The following TTBK2 variants were observed in gnomAD, a reference collection of about 807,000 sequenced individuals.
TTBK2 encodes the protein tau-tubulin kinase 2.
Under a neutral mutation model 110.8 loss-of-function variants are expected in TTBK2, and 28 were observed. The observed-to-expected ratio is 0.25, with a 90% CI of 0.19 to 0.35. The LOEUF (loss-of-function observed/expected upper bound fraction) is 0.35, where lower values mean the gene tolerates loss of function less well. TTBK2 is among the 10% of genes least tolerant of loss of function. The probability of loss-of-function intolerance (pLI) is 1.00; values close to 1 mark genes in which losing one functional copy is unlikely to be tolerated. For missense variants in TTBK2, 1,369 were observed against 1,500.3 expected, an observed-to-expected ratio of 0.91 and a Z score of 1.45; for synonymous variants, 532 against 527.3, an observed-to-expected ratio of 1.01 and a Z score of -0.12.
intron 13 of TTBK2, among the ~76,000 whole-genome samples, chr15:42,763,161 T>TAC (rs1567008825): frequency 2.0e-4 from 2 of 10,122 alleles, no homozygotes; most frequent in African/African-American, 9.2e-4. Flanking sequence ...TATATACATA[T>TAC]ATATATATAT....
Position 42,872,727 on chromosome 15 carries a change from T to G in TTBK2, c.101A>C (p.Glu34Ala). 6.2e-7 allele frequency: 1 copy of G among 1,613,976 alleles called. No individual in the cohort carries two copies. The highest frequency in any genetic ancestry group is 8.5e-7 in the Non-Finnish European group (1 of 1,179,986). ...LRKIGGGGFG[E>A]IYDALDMLTR... ...GAGCATGTCCAAGGCATCGTAAATT[T>G]CTCCAAAGCCCCCACCCCCAATCTT... Residue 34 changes from glutamate (E) to alanine (A), a missense_variant, in exon 3 of 15, where the codon GAA becomes GCA. Around this residue, in one of 4 missense-constraint regions of TTBK2, gnomAD observed 122 missense variants for 159.7 expected, o/e 0.76. Coordinates refer to ENST00000267890, the MANE Select transcript of TTBK2 (RefSeq NM_173500.4).
intron 9 of TTBK2, among the ~76,000 whole-genome samples, chr15:42,807,594 G>T (rs954272910): frequency 6.0e-5 from 9 of 151,230 alleles, no homozygotes; most frequent in South Asian, 2.1e-4. Context: ...GTTGTTTTTT[G>T]TTGTTGTTGT....
intron 1 of TTBK2, among the ~76,000 whole-genome samples, chr15:42,883,532 T>C (rs1203452973): frequency 1.3e-5 from 2 of 151,806 alleles, no homozygotes; most frequent in African/African-American, 4.8e-5. Flanking sequence ...TCTAAGTAGA[T>C]GGTAAAAAGT....
chr15:42,782,504 T>C (rs1038599160), intron 11 of TTBK2, among the ~76,000 whole-genome samples: 2 of 152,260 alleles, frequency 1.3e-5, no homozygotes, highest in Non-Finnish European at 2.9e-5. Context: ...TTGTATTATA[T>C]TTGCTTGTGC....
At position 42,739,304 on chromosome 15, in the gene TTBK2, A is replaced by G. The variant is rs2061736457; in HGVS notation, c.*6491T>C. 1 of 152,222 alleles carries G rather than the reference A, an allele frequency of 6.6e-6. No individual in the cohort carries two copies. The highest frequency in any genetic ancestry group is 1.5e-5 in the Non-Finnish European group (1 of 68,036). 9.4% of individuals were successfully genotyped at this position (152,222 alleles called of 1,614,324 possible). On this transcript the variant is annotated 3_prime_UTR_variant, in exon 15 of 15. Transcript: ENST00000267890. ...GGAGAAGAGAGGGAGAGAAAAGTGG[A>G]ATTATTAAAGTCATCTAACTCATTG...
intron 1 of TTBK2, 108 bp downstream of exon 1, chr15:42,920,330 C>T (rs1032287349): frequency 4.6e-5 from 7 of 152,270 alleles, no homozygotes; most frequent in African/African-American, 1.7e-4. Flanking sequence ...GTCCCCGGTA[C>T]CCCTCCCCTC....
chr15:42,778,819 A>C (rs960119556), intron 11 of TTBK2, among the ~76,000 whole-genome samples: 1 of 152,200 alleles, frequency 6.6e-6, no homozygotes, highest in African/African-American at 2.4e-5. Flanking sequence ...AAGAATGAAG[A>C]GGTAGTAACA....
intron 13 of TTBK2, among the ~76,000 whole-genome samples, chr15:42,766,446 C>CAAAAGAAAAAAA (rs1889377923): frequency 3.2e-5 from 1 of 30,860 alleles, no homozygotes; most frequent in African/African-American, 3.2e-4. Flanking sequence ...GAATGGAAAG[C>CAAAAGAAAAAAA]AAAAAAAAAA....
intron 6 of TTBK2, among the ~76,000 whole-genome samples, chr15:42,827,158 T>C (rs1224186209): frequency 6.6e-6 from 1 of 152,190 alleles, no homozygotes; most frequent in Admixed American, 6.5e-5. Flanking sequence ...AGTGTAATTG[T>C]GGTCATACCC....
At chr15:42,870,931 T>C (rs971246827) in intron 3 of TTBK2, among the ~76,000 whole-genome samples, 1 of 151,732 alleles carries the variant, frequency 6.6e-6, no homozygotes, top group Non-Finnish European at 1.5e-5. Context: ...ACAAATCCTA[T>C]AAAGGGTTAG....
intron 2 of TTBK2, among the ~76,000 whole-genome samples, chr15:42,873,699 G>C (rs903200484): frequency 6.6e-6 from 1 of 152,216 alleles, no homozygotes; most frequent in Non-Finnish European, 1.5e-5. Context: ...AGTATCATAA[G>C]CAAGTTCTGA....
Position 42,752,934 on chromosome 15 carries a change from T to C in TTBK2, c.2312A>G (p.Glu771Gly). The change falls in exon 14 of 15, where the codon GAA (glutamate) becomes GGA (glycine). Residue 771 changes from glutamate (E) to glycine (G), a missense_variant. Glu to Gly is a moderately conservative substitution (Grantham distance 98, BLOSUM62 -2). Transcript: ENST00000267890. ...CTCTTCAGTTTCCCCAGGGAGATTTTCAAATTCTCTCACAACCAGTCTATT... is the reference window on the plus strand; with the variant it reads ...CTCTTCAGTTTCCCCAGGGAGATTTCCAAATTCTCTCACAACCAGTCTATT... ...DHNRLVVREF[E>G]NLPGETEEKS... is the part of the protein sequence containing the mutation. 1 of 1,614,228 alleles carries C rather than the reference T, an allele frequency of 6.2e-7. No individual in the cohort carries two copies. The highest frequency in any genetic ancestry group is 8.5e-7 in the Non-Finnish European group (1 of 1,180,036).
chr15:42,778,387 C>T lies in TTBK2; in HGVS notation c.1198-1145G>A, dbSNP rs527725533. ...TAGAATAAAAAACAGCAAGATAGGC[C>T]GGGCGTGGTGGCTCACATCTGTAAC... On this transcript the variant is annotated intron_variant, in intron 11 of 14. Coordinates refer to ENST00000267890, the MANE Select transcript of TTBK2 (RefSeq NM_173500.4). 1.5e-4 allele frequency among the ~76,000 whole-genome samples: 23 copies of T among 152,008 alleles called. No individual in the cohort carries two copies. The South Asian group carries it at 3.9e-3, about 26-fold the overall frequency.
chr15:42,829,533 G>A (rs994559025), intron 5 of TTBK2, among the ~76,000 whole-genome samples: 1 of 152,192 alleles, frequency 6.6e-6, no homozygotes, highest in Non-Finnish European at 1.5e-5. Context: ...CAAACATAAA[G>A]CTTTTTAAGA....
intron 4 of TTBK2, among the ~76,000 whole-genome samples, chr15:42,831,271 T>C (rs1213602231): frequency 6.6e-6 from 1 of 152,114 alleles, no homozygotes; most frequent in East Asian, 1.9e-4. Flanking sequence ...GGAGTCTCGC[T>C]ATGTTGATCA....
chr15:42,890,010 C>G (rs1024933607), intron 1 of TTBK2, among the ~76,000 whole-genome samples: 1 of 152,136 alleles, frequency 6.6e-6, no homozygotes, highest in African/African-American at 2.4e-5. Flanking sequence ...GTGACCTGCA[C>G]GTATATATCC....
chr15:42,910,309 G>A (rs2030674366), intron 1 of TTBK2, among the ~76,000 whole-genome samples: 3 of 150,460 alleles, frequency 2.0e-5, no homozygotes, highest in South Asian at 2.1e-4. Context: ...TGAGCATGAA[G>A]CAGAAATATA....
intron 3 of TTBK2, among the ~76,000 whole-genome samples, chr15:42,865,415 C>T (rs559598101): frequency 2.0e-5 from 3 of 150,532 alleles, no homozygotes; most frequent in Non-Finnish European, 1.5e-5. Context: ...GCCGAGACTG[C>T]GTCACTGGCA....
At chr15:42,836,225 T>G (rs2141003646) in intron 4 of TTBK2, among the ~76,000 whole-genome samples, 1 of 152,302 alleles carries the variant, frequency 6.6e-6, no homozygotes, top group South Asian at 2.1e-4. Context: ...CAAATAGAAT[T>G]TCTACAACAG....
Sources: gnomAD v4.1 joint callset for allele counts (sites outside exome capture counted in the v4.1 genomes callset) on GRCh38, gnomAD v4.1.1 for gene constraint, gnomAD v4.1.1 regional missense constraint, MANE v1.5 for transcripts, NCBI Gene and HGNC (gene_info 2026-07-23, HGNC 2026-07-21) for gene names.